MYO16: variants seen among roughly 807,000 people sequenced by gnomAD.
MYO16 encodes the protein unconventional myosin-XVI.
MYO16 carries 94 observed loss-of-function variants against 205.3 expected under a neutral mutation model. The ratio of observed to expected loss-of-function variants is 0.46; its 90% confidence interval spans 0.39 to 0.54. The LOEUF (loss-of-function observed/expected upper bound fraction) is 0.54. Ranked by LOEUF, MYO16 falls within the 20% of genes least tolerant of loss-of-function variation. The pLI is 0.00. For missense variants in MYO16, 2,315 were observed against 2,387.5 expected (o/e 0.97, Z 0.63); for synonymous variants, 988 against 954.0 (o/e 1.04, Z -0.66).
At chr13:108,890,795 C>T (rs1179448378) in intron 14 of MYO16, among the ~76,000 whole-genome samples, 2 of 152,202 alleles carry the variant, frequency 1.3e-5, no homozygotes, top group African/African-American at 4.8e-5. Context: ...TCCAATAAAT[C>T]AGCATGGCCT....
At chr13:109,081,299 A>G (rs1475766289) in intron 27 of MYO16, among the ~76,000 whole-genome samples, 1 of 152,198 alleles carries the variant, frequency 6.6e-6, no homozygotes, top group Non-Finnish European at 1.5e-5. Context: ...CTAGATATTT[A>G]TTTATTGCCA....
At chr13:108,880,079 T>C (rs527425324) in intron 12 of MYO16, among the ~76,000 whole-genome samples, 11 of 152,356 alleles carry the variant, frequency 7.2e-5, no homozygotes, top group African/African-American at 2.4e-4. Flanking sequence ...TGGTATCTCA[T>C]TGCGGTTTTG....
the MYO16 span, among the ~76,000 whole-genome samples, chr13:108,547,363 A>G: frequency 1.3e-5 from 2 of 151,978 alleles, no homozygotes; most frequent in African/African-American, 2.4e-5. Context: ...AGTGTGCACA[A>G]ATAATGTTTA....
chr13:108,529,515 C>G, the MYO16 span, among the ~76,000 whole-genome samples: 1 of 152,118 alleles, frequency 6.6e-6, no homozygotes, highest in African/African-American at 2.4e-5. Flanking sequence ...TTCACTAGAG[C>G]TACTGATGTT....
intron 32 of MYO16, among the ~76,000 whole-genome samples, chr13:109,151,176 C>A (rs1000232473): frequency 2.0e-5 from 3 of 152,152 alleles, no homozygotes; most frequent in Admixed American, 2.0e-4. Context: ...AAATTTCACG[C>A]CATCGAGAGT....
At chr13:108,922,749 T>C (rs1343979894) in intron 16 of MYO16, among the ~76,000 whole-genome samples, 1 of 152,224 alleles carries the variant, frequency 6.6e-6, no homozygotes, top group Non-Finnish European at 1.5e-5. Flanking sequence ...AATGTGTGTT[T>C]ATGTGTGTGC....
rs66755145 is a variant in MYO16, at chr13:109,072,574, AACACACACAC to A, written c.3335+16998_3335+17007del. ...AATGGTTATAAAATCTGTGGCATTA[AACACACACAC>A]ACACACACACACACACACTCACACA... is the stretch of plus-strand genomic sequence containing the variant. On this transcript the variant is annotated intron_variant, in intron 27 of 34. Transcript: ENST00000457511. Among the ~76,000 whole-genome samples the A allele has an allele frequency of 2.2e-3, 328 of 149,210 alleles. 2 individuals are homozygous for A. The highest frequency in any genetic ancestry group is 6.4e-3 in the African/African-American group (261 of 40,644).
chr13:108,618,335 G>T (rs1879421213), intron 1 of MYO16, among the ~76,000 whole-genome samples: 1 of 152,078 alleles, frequency 6.6e-6, no homozygotes, highest in Admixed American at 6.6e-5. Flanking sequence ...AAGAGCACCT[G>T]CAAAAAAGAG....
chr13:109,152,366 A>G (rs527627697), intron 32 of MYO16, among the ~76,000 whole-genome samples: 2 of 152,302 alleles, frequency 1.3e-5, no homozygotes, highest in Non-Finnish European at 2.9e-5. Context: ...CATTAGCACA[A>G]CTAGAGATCT....
intron 5 of MYO16, among the ~76,000 whole-genome samples, chr13:108,786,544 C>A (rs1227966917): frequency 6.6e-6 from 1 of 152,210 alleles, no homozygotes; most frequent in African/African-American, 2.4e-5. Flanking sequence ...TATGCAGATA[C>A]TCTTTTTGCC....
chr13:109,023,703 G>GCAAATATACA (rs1566468380), intron 23 of MYO16, among the ~76,000 whole-genome samples: 1 of 119,822 alleles, frequency 8.3e-6, no homozygotes, highest in East Asian at 2.5e-4. Flanking sequence ...ATGTATATAT[G>GCAAATATACA]TATATATACA....
At chr13:108,751,605 C>T (rs1257219574) in intron 4 of MYO16, among the ~76,000 whole-genome samples, 4 of 152,042 alleles carry the variant, frequency 2.6e-5, no homozygotes, top group East Asian at 1.9e-4. Context: ...CAGTATGGAA[C>T]GGGAGAAAAA....
intron 4 of MYO16, among the ~76,000 whole-genome samples, chr13:108,731,529 T>C (rs940810792): frequency 6.6e-6 from 1 of 152,110 alleles, no homozygotes; most frequent in African/African-American, 2.4e-5. Flanking sequence ...CCAAACAGAA[T>C]TGAGGGGGAA....
At chr13:108,710,207 G>A (rs373711103) in intron 2 of MYO16, among the ~76,000 whole-genome samples, 74 of 152,282 alleles carry the variant, frequency 4.9e-4, no homozygotes, top group South Asian at 1.2e-3. Flanking sequence ...TTGTGAAACA[G>A]TTAAATACTA....
intron 9 of MYO16, among the ~76,000 whole-genome samples, chr13:108,834,687 AAT>A (rs370846569): frequency 6.8e-5 from 10 of 147,728 alleles, no homozygotes; most frequent in Non-Finnish European, 1.0e-4. Flanking sequence ...TATATATGTG[AAT>A]ATATATATAT....
At chr13:108,880,232 G>A (rs1318365417) in intron 12 of MYO16, among the ~76,000 whole-genome samples, 1 of 152,134 alleles carries the variant, frequency 6.6e-6, no homozygotes, top group Non-Finnish European at 1.5e-5. Flanking sequence ...TTGTAAATTT[G>A]TTTGAATTCT....
chr13:108,532,839 A>C, the MYO16 span, among the ~76,000 whole-genome samples: 1 of 152,138 alleles, frequency 6.6e-6, no homozygotes, highest in Non-Finnish European at 1.5e-5. Flanking sequence ...AGGTTTGTAT[A>C]TGAGAGGACA....
At position 108,665,976 on chromosome 13, in the gene MYO16, G is replaced by C; in HGVS notation, c.119G>C (p.Arg40Pro). ...LESLPLGQRQ[R>P]LVKRMRCEQI... ...TCCCTTCCCCTTGGCCAACGGCAGC[G>C]TCTAGTGAAGCGCATGCGCTGTGAG... Residue 40 changes from arginine to proline, a missense_variant, in exon 2 of 35, where the codon CGT becomes CCT. Physicochemically the swap from Arg to Pro is moderately radical, Grantham distance 103. This residue lies in a region of MYO16 where 1,213 missense variants were observed against 1,274.4 expected (regional missense o/e 0.95). Transcript: ENST00000457511. 6.2e-7 allele frequency: 1 copy of C among 1,614,152 alleles called. No individual in the cohort carries two copies. Among genetic ancestry groups the C allele is most frequent in the Non-Finnish European group, 8.5e-7 (1 of 1,179,996 alleles).
At chr13:109,053,248 A>G (rs1887307437) in intron 25 of MYO16, among the ~76,000 whole-genome samples, 1 of 152,146 alleles carries the variant, frequency 6.6e-6, no homozygotes. Context: ...TAACTTACCA[A>G]TTAAAATAAA....
Sources: allele counts gnomAD v4.1 joint callset (sites outside exome capture counted in the v4.1 genomes callset), GRCh38; gene constraint gnomAD v4.1.1; regional missense constraint gnomAD v4.1.1; transcripts MANE v1.5; gene names NCBI Gene and HGNC (gene_info 2026-07-23, HGNC 2026-07-21).